Variants in LZTS3 observed in about 807,000 individuals in gnomAD.
LZTS3 encodes leucine zipper tumor suppressor family member 3, also known as leucine zipper putative tumor suppressor 3.
In LZTS3, 16 loss-of-function variants were observed where a neutral mutation model predicts 50.9. The observed-to-expected ratio is 0.31, with a 90% CI of 0.21 to 0.48. LZTS3 has a LOEUF of 0.48. Ranked by LOEUF, LZTS3 falls within the 20% of genes least tolerant of loss-of-function variation. The pLI is 0.99. For synonymous variants in LZTS3, 408 were observed against 410.6 expected (o/e 0.99, Z 0.08); for missense variants, 816 against 931.0 (o/e 0.88, Z 1.61).
In LZTS3 at chr20:3,165,780, G is replaced by C; in HGVS notation, c.1040C>G (p.Ala347Gly). 2 of 1,585,706 alleles carry C rather than the reference G, an allele frequency of 1.3e-6. No homozygotes were observed. Among genetic ancestry groups the C allele is most frequent in the Non-Finnish European group, 1.7e-6 (2 of 1,172,690 alleles). ...ALRRSLEQSE[A>G]AVAQVLEERQ... ...CTCCTCCAGTACCTGGGCCACAGCCGCCTCGCTCTGCTCCAGGCTGCGCCG... is the reference window on the plus strand; with the variant it reads ...CTCCTCCAGTACCTGGGCCACAGCCCCCTCGCTCTGCTCCAGGCTGCGCCG... Residue 347 changes from alanine (A) to glycine (G), a missense_variant, in exon 4 of 5, where the codon GCG (alanine) becomes GGG (glycine). By Grantham distance (60) the Ala-to-Gly change is moderately conservative (BLOSUM62 0). Around this residue, in one of 3 missense-constraint regions of LZTS3, gnomAD observed 700 missense variants for 769.4 expected, o/e 0.91. Coordinates refer to ENST00000337576, the MANE Select transcript of LZTS3 (RefSeq NM_001365618.1). This position sits in a 1 kb window ranked among gnomAD's most constrained non-coding sequence, Gnocchi z 5.0.
Position 3,164,705 on chromosome 20 carries a change from G to A in LZTS3, c.1771C>T (p.Arg591Trp), listed in dbSNP as rs1236610176. Reference sequence around the variant, plus strand: ...GCGAAGCTGGCACCCTGGCGCTCCCGGGCCCGCCGCTCAGCCGCCAGCTCG... The same window carrying A: ...GCGAAGCTGGCACCCTGGCGCTCCCAGGCCCGCCGCTCAGCCGCCAGCTCG... ...QAELAAERRARERQGASFAEE... is the reference protein window; with the variant it reads ...QAELAAERRAWERQGASFAEE... Residue 591 changes from arginine (R) to tryptophan (W), a missense_variant, in exon 5 of 5, where the codon CGG (arginine) becomes TGG (tryptophan). Physicochemically the swap from Arg to Trp is moderately radical, Grantham distance 101. Coordinates refer to ENST00000337576, the MANE Select transcript of LZTS3 (RefSeq NM_001365618.1). The A allele has an allele frequency of 6.4e-7, 1 of 1,570,452 alleles. No homozygotes were observed. The highest frequency in any genetic ancestry group is 2.4e-5 in the East Asian group (1 of 41,352).
At position 3,165,778 on chromosome 20, in the gene LZTS3, C is replaced by T; in HGVS notation, c.1042G>A (p.Ala348Thr). 6.3e-7 allele frequency: 1 copy of T among 1,584,488 alleles called. No individual in the cohort carries two copies. ...LRRSLEQSEA[A>T]VAQVLEERQK... ...CGCTCCTCCAGTACCTGGGCCACAG[C>T]CGCCTCGCTCTGCTCCAGGCTGCGC... The change falls in exon 4 of 5, where the codon GCT becomes ACT. Residue 348 changes from alanine to threonine, a missense_variant. Physicochemically the swap from Ala to Thr is moderately conservative, Grantham distance 58. Transcript: ENST00000337576. This position sits in a 1 kb window ranked among gnomAD's most constrained non-coding sequence, Gnocchi z 5.0.
rs770725203 is a variant in LZTS3, at chr20:3,164,499, G to A, written c.1977C>T (p.Ala659=). 7.0e-6 allele frequency: 11 copies of A among 1,580,420 alleles called. No homozygotes were observed. The highest frequency in any genetic ancestry group is 8.6e-6 in the Non-Finnish European group (10 of 1,161,228). ...PTPQHGEEKK[A]WTPSRLERIE... ...TGCGCTCGAGGCGGGAGGGGGTCCA[G>A]GCCTTCTTCTCCTCGCCATGCTGGG... Residue 659 remains alanine (A), a synonymous_variant, in exon 5 of 5, where the codon GCC becomes GCT. Transcript: ENST00000337576.
chr20:3,166,667 G>T, intron 3 of LZTS3, 38 bp downstream of exon 3: 2 of 1,593,358 alleles, frequency 1.3e-6, no homozygotes, highest in African/African-American at 1.3e-5. Context: ...CCCACCCCCA[G>T]AAAAAGGCTG....
In LZTS3 at chr20:3,173,535, G is replaced by GGCGGGGC. The variant is rs2066924767; in HGVS notation, c.-330_-324dup. 6.6e-6 allele frequency: 1 copy of GGCGGGGC among 151,114 alleles called. No individual in the cohort carries two copies. The highest frequency in any genetic ancestry group is 1.5e-5 in the Non-Finnish European group (1 of 67,718). 9.4% of individuals were successfully genotyped at this position (151,114 alleles called of 1,614,324 possible). ...TGCTGGCGCAGCCCGAAGCACGCCC[G>GGCGGGGC]GCGGGGCGCGCTGCGCGGGCCCGGC... On this transcript the variant is annotated 5_prime_UTR_variant, in exon 1 of 5. Coordinates refer to ENST00000337576, the MANE Select transcript of LZTS3 (RefSeq NM_001365618.1).
Position 3,165,952 on chromosome 20 carries a change from A to T in LZTS3, c.868T>A (p.Ser290Thr), listed in dbSNP as rs780492434. The change falls in exon 4 of 5, where the codon TCT becomes ACT. Residue 290 changes from serine (S) to threonine (T), a missense_variant. Physicochemically the swap from Ser to Thr is moderately conservative, Grantham distance 58. This residue lies in a region of LZTS3 where 700 missense variants were observed against 769.4 expected (regional missense o/e 0.91). Transcript: ENST00000337576. This position sits in a 1 kb window ranked among gnomAD's most constrained non-coding sequence, Gnocchi z 5.0. ...RASSKSGSSSSMGRPGHLGSG... is the reference protein window; with the variant it reads ...RASSKSGSSSTMGRPGHLGSG... The stretch of plus-strand genomic sequence containing the variant: ...CCCAGGTGGCCTGGCCGCCCCATAG[A>T]TGACGACGACCCACTCTTGCTGGAG... 9.9e-6 allele frequency: 16 copies of T among 1,612,722 alleles called. No individual in the cohort carries two copies. Among genetic ancestry groups the T allele is most frequent in the Non-Finnish European group, 1.4e-5 (16 of 1,179,992 alleles).
rs2066828385 is a variant in LZTS3 at position 3,166,725 on chromosome 20, T to G, written c.439A>C (p.Thr147Pro). 6.2e-7 allele frequency: 1 copy of G among 1,613,372 alleles called. No individual in the cohort carries two copies. Among genetic ancestry groups the G allele is most frequent in the Non-Finnish European group, 8.5e-7 (1 of 1,179,698 alleles). ...CTGACCTGGTCTAGCTTGCCAGAGG[T>G]GGCCAGGAGCTTGGGTGGGTGGCTG... ...EPSHPPKLLATSGKLDQCSEP... is the reference protein window; with the variant it reads ...EPSHPPKLLAPSGKLDQCSEP... Residue 147 changes from threonine to proline, a missense_variant, in exon 3 of 5, where the codon ACC (threonine) becomes CCC (proline). By Grantham distance (38) the Thr-to-Pro change is conservative (BLOSUM62 -1). Around this residue, in one of 3 missense-constraint regions of LZTS3, gnomAD observed 700 missense variants for 769.4 expected, o/e 0.91. Coordinates refer to ENST00000337576, the MANE Select transcript of LZTS3 (RefSeq NM_001365618.1).
At position 3,166,876 on chromosome 20, in the gene LZTS3, G is replaced by A. The variant is rs1297909642; in HGVS notation, c.288C>T (p.Ser96=). 3.1e-6 allele frequency: 5 copies of A among 1,613,556 alleles called. No individual in the cohort carries two copies. The African/African-American group carries it at 6.7e-5, about 22-fold the overall frequency. ...CCCGCAGCTCACCATTGAGGTAGAG[G>A]GAGTTGGCGAGACCCTTGTCCTCTG... ...YPSEDKGLAN[S]LYLNGELRGS... Residue 96 remains serine (S), a synonymous_variant, in exon 3 of 5, where the codon TCC becomes TCT. Transcript: ENST00000337576.
In LZTS3 at chr20:3,164,553, C is replaced by G. The variant is rs1273530551; in HGVS notation, c.1923G>C (p.Gly641=). 1 of 1,607,998 alleles carries G rather than the reference C, an allele frequency of 6.2e-7. No homozygotes were observed. The highest frequency in any genetic ancestry group is 8.5e-7 in the Non-Finnish European group (1 of 1,177,386). Residue 641 remains glycine (G), a synonymous_variant, in exon 5 of 5, where the codon GGG becomes GGC. Transcript: ENST00000337576. The part of the protein sequence containing the change: ...QQLERRLRER[G]AAGGASTPTP... ...TGGGCGTGCTTGCACCCCCTGCGGC[C>G]CCGCGCTCCCGCAGCCTGCGCTCCA...
Position 3,164,899 on chromosome 20 carries a change from G to A in LZTS3, c.1577C>T (p.Pro526Leu), listed in dbSNP as rs1288945105. The change falls in exon 5 of 5, where the codon CCG (proline) becomes CTG (leucine). Residue 526 changes from proline to leucine, a missense_variant. Physicochemically the swap from Pro to Leu is moderately conservative, Grantham distance 98. Coordinates refer to ENST00000337576, the MANE Select transcript of LZTS3 (RefSeq NM_001365618.1). ...CLKPALTPVD[P>L]AEPQDALATC... ...GGCCAGAGCATCCTGTGGCTCGGCC[G>A]GGTCCACGGGGGTCAGCGCCGGCTT... is the stretch of plus-strand genomic sequence containing the variant. 3 of 1,548,534 alleles carry A rather than the reference G, an allele frequency of 1.9e-6. No individual in the cohort carries two copies. The highest frequency in any genetic ancestry group is 2.4e-5 in the East Asian group (1 of 41,970).
Position 3,166,891 on chromosome 20 carries a change from C to G in LZTS3, c.273G>C (p.Lys91Asn). The G allele has an allele frequency of 1.2e-6, 2 of 1,613,468 alleles. No homozygotes were observed. The highest frequency in any genetic ancestry group is 1.7e-6 in the Non-Finnish European group (2 of 1,180,018). Residue 91 changes from lysine (K) to asparagine (N), a missense_variant, in exon 3 of 5, where the codon AAG (lysine) becomes AAC (asparagine). Transcript: ENST00000337576. ...TGAGGTAGAGGGAGTTGGCGAGACC[C>G]TTGTCCTCTGAGGGGTAGCGGCCCG... ...ERPGRYPSED[K>N]GLANSLYLNG...
chr20:3,172,187 C>T (rs946543289), intron 1 of LZTS3, among the ~76,000 whole-genome samples: 30 of 152,210 alleles, frequency 2.0e-4, no homozygotes, highest in African/African-American at 7.2e-4. Context: ...CCTGCTCTGT[C>T]CAAATCCTTC....
chr20:3,165,602 C>T lies in LZTS3; in HGVS notation c.1218G>A (p.Glu406=). ...CCCGCTGCCGCATCAGCCGGGCCGC[C>T]TCCTCCTGCAGCTGCTTCTTGTCCT... The part of the protein sequence containing the change: ...LQQDKKQLQE[E]AARLMRQREE... The change falls in exon 4 of 5, where the codon GAG becomes GAA. Residue 406 remains glutamate (E), a synonymous_variant. Coordinates refer to ENST00000337576, the MANE Select transcript of LZTS3 (RefSeq NM_001365618.1). This position sits in a 1 kb window ranked among gnomAD's most constrained non-coding sequence, Gnocchi z 5.0. 6.3e-7 allele frequency: 1 copy of T among 1,596,994 alleles called. No individual in the cohort carries two copies. The highest frequency in any genetic ancestry group is 8.5e-7 in the Non-Finnish European group (1 of 1,179,008).
At position 3,164,831 on chromosome 20, in the gene LZTS3, C is replaced by G; in HGVS notation, c.1645G>C (p.Val549Leu). 3 of 1,549,960 alleles carry G rather than the reference C, an allele frequency of 1.9e-6. No individual in the cohort carries two copies. Among genetic ancestry groups the G allele is most frequent in the Non-Finnish European group, 2.6e-6 (3 of 1,152,632 alleles). Reference protein sequence around the residue: ...DEAKMRRQAGVAAAASLVSVD... With the variant: ...DEAKMRRQAGLAAAASLVSVD... Reference sequence around the variant, plus strand: ...GAAACCAAGGAGGCGGCAGCGGCCACCCCGGCCTGACGGCGCATCTTAGCC... The same window carrying G: ...GAAACCAAGGAGGCGGCAGCGGCCAGCCCGGCCTGACGGCGCATCTTAGCC... The change falls in exon 5 of 5, where the codon GTG (valine) becomes CTG (leucine). Residue 549 changes from valine to leucine, a missense_variant. Physicochemically the swap from Val to Leu is conservative, Grantham distance 32. Transcript: ENST00000337576.
In LZTS3 at chr20:3,165,104, C is replaced by A; in HGVS notation, c.1372G>T (p.Asp458Tyr). 1 of 1,592,520 alleles carries A rather than the reference C, an allele frequency of 6.3e-7. No individual in the cohort carries two copies. The highest frequency in any genetic ancestry group is 8.5e-7 in the Non-Finnish European group (1 of 1,170,616). Residue 458 changes from aspartate (D) to tyrosine (Y), a missense_variant, in exon 5 of 5, where the codon GAC (aspartate) becomes TAC (tyrosine). By Grantham distance (160) the Asp-to-Tyr change is radical (BLOSUM62 -3). Transcript: ENST00000337576. This position sits in a 1 kb window ranked among gnomAD's most constrained non-coding sequence, Gnocchi z 5.0. The stretch of plus-strand genomic sequence containing the variant: ...TTCTGCGACACATCCGCCTGCGAGT[C>A]CTTCAGCTGCTGCTTCAGGAGGGAG... ...EISLLKQQLK[D>Y]SQADVSQKLS...
rs768427446 is a variant in LZTS3, at chr20:3,166,984, C to T, written c.180G>A (p.Gly60=). ...FAMKSVGTRT[G]GGGSQGSFPG... The stretch of plus-strand genomic sequence containing the variant: ...GGAAACTGCCCTGGCTGCCCCCACC[C>T]CCTGTGCGGGTACCCACGCTCTTCA... The change falls in exon 3 of 5, where the codon GGG becomes GGA. Residue 60 remains glycine, a synonymous_variant. Transcript: ENST00000337576. 10 of 1,599,026 alleles carry T rather than the reference C, an allele frequency of 6.3e-6. No individual in the cohort carries two copies. The highest frequency in any genetic ancestry group is 7.6e-6 in the Non-Finnish European group (9 of 1,178,374).
At position 3,163,688 on chromosome 20, in the gene LZTS3, C is replaced by G. The variant is rs1018017715; in HGVS notation, c.*766G>C. ...CCAAGCAGATGGGGCTGTTGCCCTG[C>G]GGGATCCTGGCCAGAAGGGTGAGGG... On this transcript the variant is annotated 3_prime_UTR_variant, in exon 5 of 5. Transcript: ENST00000337576. This position sits in a 1 kb window ranked among gnomAD's most constrained non-coding sequence, Gnocchi z 5.2. 1.3e-5 allele frequency: 2 copies of G among 152,338 alleles called. No homozygotes were observed. The highest frequency in any genetic ancestry group is 4.8e-5 in the African/African-American group (2 of 41,402). 9.4% of individuals were successfully genotyped at this position (152,338 alleles called of 1,614,324 possible).
intron 1 of LZTS3, among the ~76,000 whole-genome samples, chr20:3,170,024 G>T (rs2066882824): frequency 6.6e-6 from 1 of 152,104 alleles, no homozygotes; most frequent in South Asian, 2.1e-4. Flanking sequence ...CAGGAAGAAG[G>T]CCAGGAGAAG....
chr20:3,165,284 C>A lies in LZTS3; in HGVS notation c.1324-132G>T. The A allele has an allele frequency of 8.6e-7, 1 of 1,166,894 alleles. No homozygotes were observed. Among genetic ancestry groups the A allele is most frequent in the Non-Finnish European group, 1.2e-6 (1 of 856,484 alleles). The allele number at this position is 1,166,894 out of a possible 1,614,324, so 72.3% of individuals were successfully genotyped here. A position where few individuals can be genotyped will look rare whatever the true frequency, so the allele number is the denominator to read the frequency against. On this transcript the variant is annotated intron_variant, in intron 4 of 4. Transcript: ENST00000337576. The surrounding 1 kb of genome is among the most constrained non-coding windows in gnomAD (Gnocchi z 5.0). ...AGGCTCAGCCCCTCATCAGCAGCGA[C>A]GCACCCGATTCCCTGCCTGGACTCA...
Sources: allele counts gnomAD v4.1 joint callset (sites outside exome capture counted in the v4.1 genomes callset), GRCh38; gene constraint gnomAD v4.1.1; regional missense constraint gnomAD v4.1.1; non-coding constraint Gnocchi (gnomAD v3.1); transcripts MANE v1.5; gene names NCBI Gene and HGNC (gene_info 2026-07-23, HGNC 2026-07-21).